FAM169A: variants seen among roughly 807,000 people sequenced by gnomAD.
The protein encoded by FAM169A is soluble lamin-associated protein of 75 kDa.
A neutral mutation model predicts 75.7 loss-of-function variants in FAM169A; 24 were observed. That is an observed-to-expected ratio of 0.32 (90% CI 0.23 to 0.45). The LOEUF (loss-of-function observed/expected upper bound fraction) is 0.45, where lower values mean the gene tolerates loss of function less well. Among genes scored for constraint, FAM169A ranks in the 20% least tolerant of loss-of-function variants. FAM169A has a pLI of 1.00. For synonymous variants in FAM169A, 271 were observed against 271.0 expected, an observed-to-expected ratio of 1.00 and a Z score of 0.00; for missense variants, 673 against 784.0, an observed-to-expected ratio of 0.86 and a Z score of 1.69.
intron 1 of FAM169A, among the ~76,000 whole-genome samples, chr5:74,864,876 T>C (rs1375499698): frequency 6.6e-6 from 1 of 152,228 alleles, no homozygotes; most frequent in Non-Finnish European, 1.5e-5. Context: ...CAAGCAAAAC[T>C]AAAACACTAA....
chr5:74,835,626 A>AT, intron 4 of FAM169A, among the ~76,000 whole-genome samples: 1 of 149,164 alleles, frequency 6.7e-6, no homozygotes, highest in African/African-American at 2.5e-5. Flanking sequence ...AAAAAAAAAA[A>AT]TCTGTACATA....
At chr5:74,853,135 T>C (rs1749528295) in intron 1 of FAM169A, among the ~76,000 whole-genome samples, 1 of 152,132 alleles carries the variant, frequency 6.6e-6, no homozygotes, top group African/African-American at 2.4e-5. Flanking sequence ...AACATACAGG[T>C]CTACAATGGA....
At chr5:74,804,166 G>A (rs1281539364) in intron 8 of FAM169A, among the ~76,000 whole-genome samples, 2 of 151,930 alleles carry the variant, frequency 1.3e-5, no homozygotes, top group African/African-American at 4.8e-5. Flanking sequence ...TATAATATGC[G>A]ATATTAAATA....
At chr5:74,826,043 T>C (rs931222614) in intron 5 of FAM169A, among the ~76,000 whole-genome samples, 1 of 152,174 alleles carries the variant, frequency 6.6e-6, no homozygotes, top group Admixed American at 6.5e-5. Context: ...ATAATCCCTC[T>C]AATTTTATCA....
intron 2 of FAM169A, among the ~76,000 whole-genome samples, chr5:74,840,598 G>A (rs895826457): frequency 2.0e-5 from 3 of 151,146 alleles, no homozygotes; most frequent in African/African-American, 7.3e-5. Flanking sequence ...GGGAGGCCAA[G>A]GCGGGCGGAT....
chr5:74,852,154 C>T (rs769730454), intron 1 of FAM169A, among the ~76,000 whole-genome samples: 10 of 152,282 alleles, frequency 6.6e-5, no homozygotes, highest in Non-Finnish European at 1.5e-4. Context: ...CATCACTACC[C>T]GACCAAACTC....
intron 5 of FAM169A, among the ~76,000 whole-genome samples, chr5:74,824,733 A>T (rs937250076): frequency 2.0e-4 from 31 of 151,756 alleles, no homozygotes; most frequent in Non-Finnish European, 1.6e-4. Context: ...ACACACATAC[A>T]CACACACAAA....
At chr5:74,819,153 A>G (rs1175146161) in intron 5 of FAM169A, among the ~76,000 whole-genome samples, 1 of 151,684 alleles carries the variant, frequency 6.6e-6, no homozygotes, top group African/African-American at 2.4e-5. Flanking sequence ...CAGGAGGCAG[A>G]GGTTGCAGCG....
rs116169521 is a variant in FAM169A at position 74,828,780 on chromosome 5, G to A, written c.490+5646C>T. Reference sequence around the variant, plus strand: ...GTTACACTCTCCTCTTACTCACTTCGTCATGTGGGATTTATGCTGTTTAAA... The same window carrying A: ...GTTACACTCTCCTCTTACTCACTTCATCATGTGGGATTTATGCTGTTTAAA... On this transcript the variant is annotated intron_variant, in intron 5 of 12. Coordinates refer to ENST00000687041, the MANE Select transcript of FAM169A (RefSeq NM_001376049.1). Among the ~76,000 whole-genome samples the A allele has an allele frequency of 3.9e-3, 594 of 152,148 alleles. 4 individuals carry two copies. Among genetic ancestry groups the A allele is most frequent in the African/African-American group, 0.014 (576 of 41,472 alleles).
At chr5:74,858,043 A>G (rs1378671428) in intron 1 of FAM169A, among the ~76,000 whole-genome samples, 4 of 152,150 alleles carry the variant, frequency 2.6e-5, no homozygotes, top group Admixed American at 2.6e-4. Context: ...CTAAAGCCAA[A>G]TATCAAGATG....
chr5:74,841,986 C>T (rs1038950951), intron 1 of FAM169A, among the ~76,000 whole-genome samples: 9 of 151,890 alleles, frequency 5.9e-5, no homozygotes, highest in African/African-American at 2.2e-4. Flanking sequence ...CAAAAATACA[C>T]ATATAAATAT....
chr5:74,801,166 T>G (rs2112528974), intron 9 of FAM169A, 136 bp from the exon 10 acceptor site: 1 of 569,846 alleles, frequency 1.8e-6, no homozygotes, highest in Middle Eastern at 4.0e-4. Flanking sequence ...CTCCCCTCAC[T>G]TATGTCAGGC....
At chr5:74,799,702 G>C (rs969194480) in intron 10 of FAM169A, 1 of 1,254,472 alleles carries the variant, frequency 8.0e-7, no homozygotes, top group Non-Finnish European at 1.2e-6. Context: ...CTCAAAAAGT[G>C]TGCATGTCTC....
At chr5:74,798,146 T>TA (rs1198736263) in intron 10 of FAM169A, among the ~76,000 whole-genome samples, 1 of 152,236 alleles carries the variant, frequency 6.6e-6, no homozygotes, top group Admixed American at 6.5e-5. Flanking sequence ...CTTTCCTCTG[T>TA]ATCCACAGCA....
chr5:74,849,106 A>G (rs1440279183), intron 1 of FAM169A, among the ~76,000 whole-genome samples: 1 of 152,214 alleles, frequency 6.6e-6, no homozygotes, highest in Non-Finnish European at 1.5e-5. Flanking sequence ...AAATTAAGCG[A>G]ATGGTATGCT....
At chr5:74,842,500 T>C (rs1325416406) in intron 1 of FAM169A, among the ~76,000 whole-genome samples, 2 of 148,172 alleles carry the variant, frequency 1.3e-5, no homozygotes, top group Non-Finnish European at 3.0e-5. Flanking sequence ...TTATGGTATA[T>C]TATAAATTAT....
chr5:74,783,043 A>C lies in FAM169A; in HGVS notation c.1352T>G (p.Val451Gly). 6.2e-7 allele frequency: 1 copy of C among 1,613,778 alleles called. No individual in the cohort carries two copies. The highest frequency in any genetic ancestry group is 8.5e-7 in the Non-Finnish European group (1 of 1,179,730). Residue 451 changes from valine to glycine, a missense_variant, in exon 12 of 13, where the codon GTT becomes GGT. Val to Gly is a moderately radical substitution (Grantham distance 109, BLOSUM62 -3). This residue lies in a region of FAM169A where 510 missense variants were observed against 550.9 expected (regional missense o/e 0.93). Coordinates refer to ENST00000687041, the MANE Select transcript of FAM169A (RefSeq NM_001376049.1). ...CTGCAATTTTAATTCTTCATCTAAA[A>C]CTTCACTAGTGGAGTCTTCCTCTTC... ...ITEEEDSTSE[V>G]LDEELKLQPF...
chr5:74,818,937 T>C (rs1408032594), intron 5 of FAM169A, among the ~76,000 whole-genome samples: 1 of 152,008 alleles, frequency 6.6e-6, no homozygotes. Flanking sequence ...TGACAAACGA[T>C]GGCTAGGCGC....
rs149966130 is a variant in FAM169A at position 74,793,519 on chromosome 5, G to A, written c.1260+2511C>T. Among the ~76,000 whole-genome samples the A allele has an allele frequency of 5.9e-3, 902 of 152,198 alleles. 12 individuals carry two copies. Among genetic ancestry groups the A allele is most frequent in the African/African-American group, 0.021 (863 of 41,504 alleles). ...GGGAGCTAAGCTATGAGGAGGCAAA[G>A]GCATAAGAGTGTTATCATGGACTCT... is the stretch of plus-strand genomic sequence containing the variant. On this transcript the variant is annotated intron_variant, in intron 11 of 12. Coordinates refer to ENST00000687041, the MANE Select transcript of FAM169A (RefSeq NM_001376049.1).
Sources: gnomAD v4.1 joint callset for allele counts (sites outside exome capture counted in the v4.1 genomes callset) on GRCh38, gnomAD v4.1.1 for gene constraint, gnomAD v4.1.1 regional missense constraint, MANE v1.5 for transcripts, NCBI Gene and HGNC (gene_info 2026-07-23, HGNC 2026-07-21) for gene names.